FKTN: variants seen among roughly 807,000 people sequenced by gnomAD.
The protein encoded by FKTN is ribitol-5-phosphate transferase FKTN.
A neutral mutation model predicts 58.6 loss-of-function variants in FKTN; 47 were observed. That is an observed-to-expected ratio of 0.80 (90% CI 0.63 to 1.02). The LOEUF (loss-of-function observed/expected upper bound fraction) is 1.02, where lower values mean the gene tolerates loss of function less well. FKTN is among the 50% of genes least tolerant of loss of function. FKTN has a pLI of 0.00. For missense variants in FKTN, 516 were observed against 537.3 expected (o/e 0.96, Z 0.39); for synonymous variants, 178 against 191.9 (o/e 0.93, Z 0.60).
At chr9:105,578,594 G>C (rs535106162) in intron 3 of FKTN, among the ~76,000 whole-genome samples, 7 of 151,548 alleles carry the variant, frequency 4.6e-5, no homozygotes, top group Admixed American at 3.9e-4. Context: ...GAGGATTTTT[G>C]CATCAATGTT....
At chr9:105,620,161 C>G in intron 10 of FKTN, 100 bp downstream of exon 10, 1 of 992,974 alleles carries the variant, frequency 1.0e-6, no homozygotes, top group Non-Finnish European at 1.5e-6. Flanking sequence ...AAATCTCTTT[C>G]AAGACTCCAT....
chr9:105,599,170 T>G (rs183035864), intron 4 of FKTN, among the ~76,000 whole-genome samples: 169 of 152,316 alleles, frequency 1.1e-3, no homozygotes, highest in Non-Finnish European at 1.6e-3. Flanking sequence ...TATTCCTGGT[T>G]TGCTGAAAGT....
rs10978167 is a variant in FKTN, at chr9:105,582,038, G to A, written c.105+6901G>A. Among the ~76,000 whole-genome samples, 1,192 of 152,166 alleles carry A rather than the reference G, an allele frequency of 7.8e-3. 9 individuals are homozygous for A. Among genetic ancestry groups the A allele is most frequent in the Non-Finnish European group, 0.014 (968 of 67,984 alleles). On this transcript the variant is annotated intron_variant, in intron 3 of 10. Transcript: ENST00000357998. Reference sequence around the variant, plus strand: ...CCCTGCTTCGGCTCGCGCACGGTGCGCGCACCCACTAGCCTGCGCCCACTG... The same window carrying A: ...CCCTGCTTCGGCTCGCGCACGGTGCACGCACCCACTAGCCTGCGCCCACTG...
chr9:105,561,197 C>T (rs1156354261), intron 1 of FKTN, among the ~76,000 whole-genome samples: 3 of 152,012 alleles, frequency 2.0e-5, no homozygotes, highest in South Asian at 2.1e-4. Context: ...TTGCTTGTGC[C>T]TAGCAGTTTG....
chr9:105,580,305 C>A (rs999665837), intron 3 of FKTN, among the ~76,000 whole-genome samples: 2 of 151,692 alleles, frequency 1.3e-5, no homozygotes, highest in Non-Finnish European at 2.9e-5. Context: ...CAGCTGGTAC[C>A]GGTTGTTCCT....
intron 9 of FKTN, 75 bp downstream of exon 9, chr9:105,618,167 A>G (rs911724617): frequency 8.8e-7 from 1 of 1,142,368 alleles, no homozygotes. Context: ...CAACTCAGAT[A>G]TGGTTAAGAA....
chr9:105,633,782 G>A (rs551195095), intron 10 of FKTN, among the ~76,000 whole-genome samples: 14 of 152,270 alleles, frequency 9.2e-5, no homozygotes, highest in African/African-American at 2.2e-4. Context: ...AGTAAAACAC[G>A]ATATTCAAAG....
intron 3 of FKTN, among the ~76,000 whole-genome samples, chr9:105,590,091 T>C (rs778821114): frequency 6.6e-6 from 1 of 152,190 alleles, no homozygotes; most frequent in Non-Finnish European, 1.5e-5. Context: ...TGAGAATAGA[T>C]TGGCTGTGTT....
At chr9:105,561,686 C>T (rs973070913) in intron 1 of FKTN, among the ~76,000 whole-genome samples, 1 of 152,178 alleles carries the variant, frequency 6.6e-6, no homozygotes, top group African/African-American at 2.4e-5. Flanking sequence ...CAAGTAACAG[C>T]ATGTGTAGGT....
chr9:105,570,761 C>G (rs1046896238), intron 1 of FKTN, among the ~76,000 whole-genome samples: 2 of 151,992 alleles, frequency 1.3e-5, no homozygotes, highest in African/African-American at 4.8e-5. Flanking sequence ...GAAGGTAAAA[C>G]TAGGTTGGAG....
intron 1 of FKTN, among the ~76,000 whole-genome samples, chr9:105,563,603 G>GT (rs199634421): frequency 0.021 from 3,236 of 152,224 alleles, 52 homozygotes; most frequent in Admixed American, 0.039. Context: ...GAGGCTGGGG[G>GT]GGGGGGCACC....
chr9:105,604,571 A>T (rs1490635177), intron 6 of FKTN, 79 bp downstream of exon 6: 2 of 1,130,748 alleles, frequency 1.8e-6, no homozygotes, highest in Admixed American at 1.7e-5. Flanking sequence ...ACATTTGAGT[A>T]TTGAAATCTA....
rs537363509 is a variant in FKTN, at chr9:105,565,680, A to G, written c.-181+7515A>G. On this transcript the variant is annotated intron_variant, in intron 1 of 10. Coordinates refer to ENST00000357998, the MANE Select transcript of FKTN (RefSeq NM_001079802.2). ...CTGTGTGACCTACAAAGAGACTTAG[A>G]CTCCCATACAATAATAATGGGAGAC... Among the ~76,000 whole-genome samples, 315 of 152,300 alleles carry G rather than the reference A, an allele frequency of 2.1e-3. 1 individual carries two copies. Among genetic ancestry groups the G allele is most frequent in the African/African-American group, 7.0e-3 (292 of 41,560 alleles).
rs536160944 is a variant in FKTN, at chr9:105,568,425, A to T, written c.-180-5230A>T. On this transcript the variant is annotated intron_variant, in intron 1 of 10. Transcript: ENST00000357998. The stretch of plus-strand genomic sequence containing the variant: ...AAGGGCTAATACCCAGAATCTACAA[A>T]GAACTCAAACAAATTTACAAGAAAA... Among the ~76,000 whole-genome samples, 14 of 152,274 alleles carry T rather than the reference A, an allele frequency of 9.2e-5. No homozygotes were observed. In the East Asian group the frequency reaches 2.3e-3, roughly 25 times the overall value.
chr9:105,615,492 A>G, intron 8 of FKTN, 85 bp downstream of exon 8: 2 of 1,322,064 alleles, frequency 1.5e-6, no homozygotes, highest in South Asian at 2.4e-5. Flanking sequence ...ACAAAATATC[A>G]GTGACATTTG....
At chr9:105,621,499 AG>A (rs34667668) in intron 10 of FKTN, among the ~76,000 whole-genome samples, 1 of 152,152 alleles carries the variant, frequency 6.6e-6, no homozygotes, top group Non-Finnish European at 1.5e-5. Flanking sequence ...AAGAATATAA[AG>A]GATGTGTATG....
chr9:105,632,426 A>AT (rs1564352788), intron 10 of FKTN, among the ~76,000 whole-genome samples: 16 of 147,262 alleles, frequency 1.1e-4, no homozygotes, highest in South Asian at 4.2e-4. Flanking sequence ...TAATAAAAAA[A>AT]AATATATATA....
In FKTN at chr9:105,583,641, G is replaced by A. The variant is rs115659598; in HGVS notation, c.105+8504G>A. Among the ~76,000 whole-genome samples, 943 of 152,036 alleles carry A rather than the reference G, an allele frequency of 6.2e-3. 13 individuals carry two copies. Among genetic ancestry groups the A allele is most frequent in the African/African-American group, 0.021 (891 of 41,478 alleles). ...CATATATATTTCAAATATTTTTCCT[G>A]ACTTGTAATTTGCCTTTTAACTTTA... On this transcript the variant is annotated intron_variant, in intron 3 of 10. Coordinates refer to ENST00000357998, the MANE Select transcript of FKTN (RefSeq NM_001079802.2).
At position 105,637,922 on chromosome 9, in the gene FKTN, A is replaced by G; in HGVS notation, c.*2658A>G. ...TCCCTAAGAGTAGCTGCTTGGTGGG[A>G]CAGCTGATTTCTTTGATTCCCTAGC... On this transcript the variant is annotated 3_prime_UTR_variant, in exon 11 of 11. Coordinates refer to ENST00000357998, the MANE Select transcript of FKTN (RefSeq NM_001079802.2). The G allele has an allele frequency of 1.0e-6, 1 of 985,284 alleles. No individual in the cohort carries two copies. Among genetic ancestry groups the G allele is most frequent in the Non-Finnish European group, 1.2e-6 (1 of 829,844 alleles). 61.0% of individuals were successfully genotyped at this position (985,284 alleles called of 1,614,324 possible). A position where few individuals can be genotyped will look rare whatever the true frequency, so the allele number is the denominator to read the frequency against.
Sources: gnomAD v4.1 joint callset for allele counts (sites outside exome capture counted in the v4.1 genomes callset) on GRCh38, gnomAD v4.1.1 for gene constraint, MANE v1.5 for transcripts, NCBI Gene and HGNC (gene_info 2026-07-23, HGNC 2026-07-21) for gene names.